The following KDM7A variants were observed in gnomAD, a reference collection of about 807,000 sequenced individuals.
KDM7A encodes lysine demethylase 7A, also known as lysine-specific demethylase 7A.
Under a neutral mutation model 114.8 loss-of-function variants are expected in KDM7A, and 28 were observed. The ratio of observed to expected loss-of-function variants is 0.24; its 90% CI spans 0.18 to 0.33. KDM7A has a LOEUF of 0.33. Among genes scored for constraint, KDM7A ranks in the 10% least tolerant of loss-of-function variants. The pLI is 1.00. For missense variants in KDM7A, 942 were observed against 1,142.5 expected (o/e 0.82, Z 2.53); for synonymous variants, 423 against 397.8 (o/e 1.06, Z -0.75).
At chr7:140,128,067 T>C (rs1818734005) in intron 4 of KDM7A, among the ~76,000 whole-genome samples, 1 of 152,162 alleles carries the variant, frequency 6.6e-6, no homozygotes, top group Admixed American at 6.5e-5. Context: ...AGCATGCAAG[T>C]TGACCAGGAT....
chr7:140,154,308 C>A (rs577122674), intron 1 of KDM7A, among the ~76,000 whole-genome samples: 1 of 151,096 alleles, frequency 6.6e-6, no homozygotes, highest in African/African-American at 2.4e-5. Flanking sequence ...CATAATGAGA[C>A]CCCCGTCACT....
At chr7:140,129,675 A>G (rs768114913) in intron 3 of KDM7A, 22 bp from the exon 4 acceptor site, 3 of 1,547,972 alleles carry the variant, frequency 1.9e-6, no homozygotes, top group Non-Finnish European at 2.7e-6. Context: ...CATAAGAATA[A>G]AAATGTCATT....
intron 1 of KDM7A, among the ~76,000 whole-genome samples, chr7:140,154,443 GAC>G (rs1794435975): frequency 6.8e-6 from 1 of 147,878 alleles, no homozygotes; most frequent in Admixed American, 6.9e-5. Flanking sequence ...GTAGTGAGCT[GAC>G]TGCACCGCTG....
chr7:140,150,777 A>G (rs1310934480), intron 1 of KDM7A, among the ~76,000 whole-genome samples: 1 of 149,172 alleles, frequency 6.7e-6, no homozygotes, highest in Admixed American at 6.7e-5. Flanking sequence ...CCTGAGCCCC[A>G]CCTTTGCTCT....
At position 140,176,979 on chromosome 7, in the gene KDM7A, C is replaced by G; in HGVS notation, c.-42G>C. On this transcript the variant is annotated 5_prime_UTR_variant, in exon 1 of 20. Coordinates refer to ENST00000397560, the MANE Select transcript of KDM7A (RefSeq NM_030647.2). The surrounding 1 kb of genome is among the most constrained non-coding windows in gnomAD (Gnocchi z 4.4). ...CACGCTCGCTCGCTACTCCGCTCGC[C>G]GACTGGAGCGAGCGCAGCCGCCAGC... 1 of 1,087,068 alleles carries G rather than the reference C, an allele frequency of 9.2e-7. No individual in the cohort carries two copies. Among genetic ancestry groups the G allele is most frequent in the Non-Finnish European group, 1.1e-6 (1 of 895,670 alleles). 67.3% of individuals were successfully genotyped at this position (1,087,068 alleles called of 1,614,324 possible). A position where few individuals can be genotyped will look rare whatever the true frequency, so the allele number is the denominator to read the frequency against.
chr7:140,176,722 G>T lies in KDM7A; in HGVS notation c.194+22C>A. 1 of 1,277,680 alleles carries T rather than the reference G, an allele frequency of 7.8e-7. No individual in the cohort carries two copies. The highest frequency in any genetic ancestry group is 1.7e-5 in the South Asian group (1 of 58,494). The allele number at this position is 1,277,680 out of a possible 1,614,324, so 79.1% of individuals were successfully genotyped here. A position where few individuals can be genotyped will look rare whatever the true frequency, so the allele number is the denominator to read the frequency against. On this transcript the variant is annotated intron_variant, in intron 1 of 19. Transcript: ENST00000397560. This position sits in a 1 kb window ranked among gnomAD's most constrained non-coding sequence, Gnocchi z 4.4. Reference sequence around the variant, plus strand: ...TCGGTGGCCGGCGGTGGCGGCTGCGGGGCTGGAGGGGGTTTATTTACCTGC... The same window carrying T: ...TCGGTGGCCGGCGGTGGCGGCTGCGTGGCTGGAGGGGGTTTATTTACCTGC...
chr7:140,096,792 G>C (rs112846428), intron 16 of KDM7A, 29 bp from the exon 17 acceptor site: 128 of 1,600,060 alleles, frequency 8.0e-5, no homozygotes, highest in Middle Eastern at 5.0e-4. Flanking sequence ...AAAAACACAA[G>C]AGTCTATTTT....
intron 1 of KDM7A, among the ~76,000 whole-genome samples, chr7:140,145,703 G>A (rs748082054): frequency 2.0e-5 from 3 of 152,132 alleles, no homozygotes; most frequent in Non-Finnish European, 4.4e-5. Flanking sequence ...ATGCCAAGTT[G>A]GCACTTTTTC....
intron 1 of KDM7A, among the ~76,000 whole-genome samples, chr7:140,141,910 ATATATCTTTGT>A (rs1318427467): frequency 6.6e-6 from 1 of 151,134 alleles, no homozygotes; most frequent in East Asian, 1.9e-4. Flanking sequence ...AAAGAAAGAT[ATATATCTTTGT>A]TAAGATAAAA....
intron 1 of KDM7A, among the ~76,000 whole-genome samples, chr7:140,146,382 C>T (rs746426835): frequency 6.6e-6 from 1 of 152,210 alleles, no homozygotes; most frequent in Non-Finnish European, 1.5e-5. Flanking sequence ...TTATCACCCA[C>T]TCCATCCTTC....
In KDM7A at chr7:140,091,838, T is replaced by C. The variant is rs1278165947; in HGVS notation, c.2697A>G (p.Ser899=). 8 of 1,612,404 alleles carry C rather than the reference T, an allele frequency of 5.0e-6. No homozygotes were observed. The highest frequency in any genetic ancestry group is 2.2e-5 in the East Asian group (1 of 44,878). The part of the protein sequence containing the change: ...VPLHPTKRPA[S]NPPPISNQAT... ...CCTGGTTGCTGATAGGTGGTGGATT[T>C]GATGCCGGTCTCTTGGTGGGGTGAA... Residue 899 remains serine (S), a synonymous_variant, in exon 19 of 20, where the codon TCA becomes TCG. Transcript: ENST00000397560.
At chr7:140,136,604 G>T (rs559951154) in intron 2 of KDM7A, among the ~76,000 whole-genome samples, 2 of 152,200 alleles carry the variant, frequency 1.3e-5, no homozygotes, top group Non-Finnish European at 2.9e-5. Context: ...TTCCCAGTAA[G>T]AGGGTAAAGT....
chr7:140,118,566 C>T (rs528191499), intron 9 of KDM7A, among the ~76,000 whole-genome samples: 6 of 148,564 alleles, frequency 4.0e-5, no homozygotes, highest in East Asian at 2.0e-4. Flanking sequence ...CCACGATGCC[C>T]GGCTAATTTT....
At chr7:140,149,994 C>T (rs1328094739) in intron 1 of KDM7A, among the ~76,000 whole-genome samples, 1 of 152,046 alleles carries the variant, frequency 6.6e-6, no homozygotes, top group Non-Finnish European at 1.5e-5. Context: ...GAGTGAAAGT[C>T]GCGTAGAGAA....
At chr7:140,138,716 G>A (rs949628293) in intron 2 of KDM7A, among the ~76,000 whole-genome samples, 6 of 152,162 alleles carry the variant, frequency 3.9e-5, no homozygotes, top group African/African-American at 7.2e-5. Context: ...AGGCATATGA[G>A]TGCATTAAAG....
intron 1 of KDM7A, among the ~76,000 whole-genome samples, chr7:140,146,160 T>C (rs1794338144): frequency 6.6e-6 from 1 of 152,158 alleles, no homozygotes; most frequent in Non-Finnish European, 1.5e-5. Context: ...GATATATCAA[T>C]AAAAACATGA....
intron 1 of KDM7A, among the ~76,000 whole-genome samples, chr7:140,175,724 C>T (rs926421743): frequency 2.6e-5 from 4 of 152,096 alleles, no homozygotes; most frequent in African/African-American, 7.2e-5. Flanking sequence ...AAACGTCAAA[C>T]CCGGAGCGCG....
intron 10 of KDM7A, among the ~76,000 whole-genome samples, chr7:140,113,130 T>A (rs913533882): frequency 6.6e-6 from 1 of 152,220 alleles, no homozygotes; most frequent in Non-Finnish European, 1.5e-5. Flanking sequence ...CCTCACACAG[T>A]TGGCATTGAG....
At chr7:140,114,134 T>C (rs1257094976) in intron 9 of KDM7A, among the ~76,000 whole-genome samples, 1 of 152,116 alleles carries the variant, frequency 6.6e-6, no homozygotes, top group African/African-American at 2.4e-5. Flanking sequence ...ACTTAGAATT[T>C]GTACTCAATA....
Sources: gnomAD v4.1 joint callset for allele counts (sites outside exome capture counted in the v4.1 genomes callset) on GRCh38, gnomAD v4.1.1 for gene constraint, Gnocchi (gnomAD v3.1) non-coding constraint, MANE v1.5 for transcripts, NCBI Gene and HGNC (gene_info 2026-07-23, HGNC 2026-07-21) for gene names.